EPHA10: variants seen among roughly 807,000 people sequenced by gnomAD.
EPHA10 encodes ephrin type-A receptor 10.
Under a neutral mutation model 109.7 loss-of-function variants are expected in EPHA10, and 120 were observed. The ratio of observed to expected loss-of-function variants is 1.09; its 90% confidence interval spans 0.94 to 1.27. EPHA10 has a LOEUF of 1.27. EPHA10 is among the 50% of genes most tolerant of loss of function. The pLI, the probability that EPHA10 is intolerant of heterozygous loss-of-function variation, is 0.00. For missense variants in EPHA10, 1,396 were observed against 1,411.1 expected, an observed-to-expected ratio of 0.99 and a Z score of 0.17; for synonymous variants, 640 against 618.9, an observed-to-expected ratio of 1.03 and a Z score of -0.51.
At position 37,720,057 on chromosome 1, in the gene EPHA10, C is replaced by T; in HGVS notation, c.2414G>A (p.Ser805Asn). Residue 805 changes from serine to asparagine, a missense_variant and splice_region_variant, in exon 14 of 17, where the codon AGT (serine) becomes AAT (asparagine). Ser to Asn is a conservative substitution (Grantham distance 46, BLOSUM62 1). Coordinates refer to ENST00000373048, the MANE Select transcript of EPHA10 (RefSeq NM_001099439.2). ...GGCCCATAGCGCTGGGCTCCGGCCA[C>T]TCTGTAGGGGCAGGCAGGTCAGGGG... ...DRSEAVYTTM[S>N]GRSPALWAAP... The T allele has an allele frequency of 6.2e-7, 1 of 1,613,472 alleles. No homozygotes were observed. Among genetic ancestry groups the T allele is most frequent in the Non-Finnish European group, 8.5e-7 (1 of 1,179,988 alleles).
chr1:37,743,380 A>G (rs925742542), intron 5 of EPHA10, among the ~76,000 whole-genome samples: 1 of 152,186 alleles, frequency 6.6e-6, no homozygotes, highest in Non-Finnish European at 1.5e-5. Context: ...AAGAAACGAG[A>G]TGAGATAAAA....
chr1:37,724,271 A>T (rs554635873), intron 8 of EPHA10, among the ~76,000 whole-genome samples: 8 of 152,328 alleles, frequency 5.3e-5, no homozygotes, highest in Non-Finnish European at 1.0e-4. Context: ...TGGTGGTGCC[A>T]TTTACTGGGA....
chr1:37,763,718 T>C (rs1194146377), intron 1 of EPHA10, among the ~76,000 whole-genome samples: 1 of 152,046 alleles, frequency 6.6e-6, no homozygotes, highest in Non-Finnish European at 1.5e-5. Flanking sequence ...TTCCTGTATA[T>C]ACCCCCCAAT....
chr1:37,742,715 G>A (rs1569719968), intron 5 of EPHA10, among the ~76,000 whole-genome samples: 6 of 68,528 alleles, frequency 8.8e-5, no homozygotes, highest in African/African-American at 8.9e-5. Context: ...GCCCAGCACT[G>A]TGGCTCATGC....
chr1:37,735,726 T>C (rs535098592), intron 5 of EPHA10, among the ~76,000 whole-genome samples: 3 of 152,222 alleles, frequency 2.0e-5, no homozygotes, highest in African/African-American at 7.2e-5. Context: ...GCTCTTTCTA[T>C]ACTTGCTGCA....
chr1:37,743,178 G>A (rs982811607), intron 5 of EPHA10, among the ~76,000 whole-genome samples: 1 of 151,756 alleles, frequency 6.6e-6, no homozygotes, highest in Non-Finnish European at 1.5e-5. Context: ...CCAGAAATTG[G>A]GTATATGAAA....
rs766000675 is a variant in EPHA10, at chr1:37,761,543, C to T, written c.712G>A (p.Gly238Arg). The change falls in exon 3 of 17, where the codon GGA becomes AGA. Residue 238 changes from glycine (G) to arginine (R), a missense_variant. Transcript: ENST00000373048. ...CCTTCCGAGTGCGCCACGCACGTTCCGGCCACTTCCACCAGTGTGGAGAAG... is the reference window on the plus strand; with the variant it reads ...CCTTCCGAGTGCGCCACGCACGTTCTGGCCACTTCCACCAGTGTGGAGAAG... ...SAFSTLVEVA[G>R]TCVAHSEGEP... is the part of the protein sequence containing the mutation. 8 of 1,598,776 alleles carry T rather than the reference C, an allele frequency of 5.0e-6. No homozygotes were observed. The highest frequency in any genetic ancestry group is 6.8e-6 in the Non-Finnish European group (8 of 1,177,282).
chr1:37,728,365 G>A (rs898052250), intron 7 of EPHA10, among the ~76,000 whole-genome samples: 1 of 152,178 alleles, frequency 6.6e-6, no homozygotes, highest in East Asian at 1.9e-4. Context: ...AAGAAGAAAA[G>A]GAATGAGGGT....
At chr1:37,735,162 A>G in intron 6 of EPHA10, 95 bp downstream of exon 6, 1 of 1,488,812 alleles carries the variant, frequency 6.7e-7, no homozygotes, top group Non-Finnish European at 9.2e-7. Context: ...AAAGGGAGTA[A>G]CGAGGGCTTT....
intron 5 of EPHA10, among the ~76,000 whole-genome samples, chr1:37,747,075 G>C (rs967013249): frequency 6.6e-6 from 1 of 152,106 alleles, no homozygotes; most frequent in Admixed American, 6.5e-5. Flanking sequence ...TCACTGAACC[G>C]TATACTTCAA....
intron 13 of EPHA10, 133 bp downstream of exon 13, chr1:37,720,218 G>T: frequency 7.2e-7 from 1 of 1,389,756 alleles, no homozygotes; most frequent in Non-Finnish European, 9.7e-7. Context: ...TCAAGGTGGG[G>T]TTCACTCGCA....
chr1:37,747,307 T>C (rs566499835), intron 5 of EPHA10, among the ~76,000 whole-genome samples: 108 of 152,118 alleles, frequency 7.1e-4, no homozygotes, highest in African/African-American at 2.5e-3. Context: ...TCCCAAAACT[T>C]TGGGAGGCCA....
At position 37,761,497 on chromosome 1, in the gene EPHA10, C is replaced by T; in HGVS notation, c.758G>A (p.Arg253His). Reference sequence around the variant, plus strand: ...CTCGCCGTCGGCGCCGCAGTGCATGCGTGGGGGGCTGCCAGGCTCCCCTTC... The same window carrying T: ...CTCGCCGTCGGCGCCGCAGTGCATGTGTGGGGGGCTGCCAGGCTCCCCTTC... ...HSEGEPGSPP[R>H]MHCGADGEWL... Residue 253 changes from arginine to histidine, a missense_variant, in exon 3 of 17, where the codon CGC (arginine) becomes CAC (histidine). Arg to His is a conservative substitution (Grantham distance 29). Transcript: ENST00000373048. The T allele has an allele frequency of 1.9e-6, 3 of 1,599,776 alleles. No homozygotes were observed. Among genetic ancestry groups the T allele is most frequent in the Non-Finnish European group, 2.5e-6 (3 of 1,178,714 alleles).
rs34409053 is a variant in EPHA10 at position 37,727,153 on chromosome 1, G to A, written c.1721C>T (p.Ser574Leu). The change falls in exon 8 of 17, where the codon TCG (serine) becomes TTG (leucine). Residue 574 changes from serine (S) to leucine (L), a missense_variant. Coordinates refer to ENST00000373048, the MANE Select transcript of EPHA10 (RefSeq NM_001099439.2). ...CACGGAGCCCAGGACGAGGAGGGCC[G>A]AGATGGTCACTACGGTGACGACAAT... ...PAIVVTVVTI[S>L]ALLVLGSVMS... 2.3e-3 allele frequency: 3,749 copies of A among 1,613,022 alleles called. 76 individuals are homozygous for A. The African/African-American group carries it at 0.045, about 19-fold the overall frequency.
rs147878854 is a variant in EPHA10 at position 37,749,351 on chromosome 1, A to G, written c.1357+3525T>C. 6.7e-3 allele frequency among the ~76,000 whole-genome samples: 1,021 copies of G among 152,260 alleles called. 9 individuals carry two copies. The highest frequency in any genetic ancestry group is 0.024 in the African/African-American group (984 of 41,554). ...AGAGTATTTCCTTAACATGGCTTCT[A>G]AATCTATCTGTGTCAAAACAGTTAA... is the stretch of plus-strand genomic sequence containing the variant. On this transcript the variant is annotated intron_variant, in intron 5 of 16. Coordinates refer to ENST00000373048, the MANE Select transcript of EPHA10 (RefSeq NM_001099439.2).
intron 8 of EPHA10, among the ~76,000 whole-genome samples, chr1:37,724,832 G>C (rs1349639646): frequency 6.6e-6 from 1 of 152,178 alleles, no homozygotes; most frequent in Admixed American, 6.5e-5. Flanking sequence ...GTAGCTGTGG[G>C]ACTGGGTGGC....
Position 37,718,492 on chromosome 1 carries a change from A to G in EPHA10, c.2913-6T>C, listed in dbSNP as rs1645729007. 1 of 1,613,236 alleles carries G rather than the reference A, an allele frequency of 6.2e-7. No homozygotes were observed. Among genetic ancestry groups the G allele is most frequent in the African/African-American group, 1.3e-5 (1 of 74,924 alleles). Reference sequence around the variant, plus strand: ...TGCCTAGGCTCACCAGGTCCCTGAAACAAAGGCTGGTCACACTCGGCTGGC... The same window carrying G: ...TGCCTAGGCTCACCAGGTCCCTGAAGCAAAGGCTGGTCACACTCGGCTGGC... On this transcript the variant is annotated splice_region_variant and splice_polypyrimidine_tract_variant and intron_variant, in intron 16 of 16. Transcript: ENST00000373048.
At chr1:37,713,971 A>G (rs1229046777), downstream of EPHA10, 4 of 152,352 alleles carry the variant, frequency 2.6e-5, no homozygotes, top group African/African-American at 7.2e-5. Flanking sequence ...ATGGCACAAC[A>G]TAGTTGGCTG....
At chr1:37,762,890 G>T in intron 1 of EPHA10, 41 bp from the exon 2 acceptor site, 3 of 1,528,644 alleles carry the variant, frequency 2.0e-6, no homozygotes, top group South Asian at 1.2e-5. Context: ...AATCGAGAAG[G>T]TCAGTTTAGC....
Sources: allele counts gnomAD v4.1 joint callset (sites outside exome capture counted in the v4.1 genomes callset), GRCh38; gene constraint gnomAD v4.1.1; transcripts MANE v1.5; gene names NCBI Gene and HGNC (gene_info 2026-07-23, HGNC 2026-07-21).